The following FGL2 variants were observed in gnomAD, a reference collection of about 807,000 sequenced individuals.
FGL2 encodes fibroleukin.
In FGL2, 21 loss-of-function variants were observed where a neutral mutation model predicts 36.0. The observed-to-expected ratio is 0.58, with a 90% confidence interval of 0.41 to 0.84. FGL2 has a LOEUF of 0.84. Ranked by LOEUF, FGL2 falls within the 40% of genes least tolerant of loss-of-function variation. FGL2 has a pLI of 0.00. For missense variants in FGL2, 444 were observed against 526.3 expected, an observed-to-expected ratio of 0.84 and a Z score of 1.53; for synonymous variants, 183 against 190.7, an observed-to-expected ratio of 0.96 and a Z score of 0.33.
intron 1 of FGL2, 31 bp from the exon 2 acceptor site, chr7:77,197,016 T>C (rs1791886072): frequency 1.5e-6 from 2 of 1,353,268 alleles, no homozygotes; most frequent in Non-Finnish European, 2.1e-6. Flanking sequence ...AGGCATTGGA[T>C]CTTGTTAATA....
Position 77,199,671 on chromosome 7 carries a change from C to T in FGL2, c.123G>A (p.Val41=), listed in dbSNP as rs1366917974. Residue 41 remains valine (V), a synonymous_variant, in exon 1 of 2, where the codon GTG becomes GTA. Coordinates refer to ENST00000248598, the MANE Select transcript of FGL2 (RefSeq NM_006682.3). ...CGCATTTCCCTCTGCTTTCTAGTCT[C>T]ACTGGGCAGACATCCTTTGCTCTTT... is the stretch of plus-strand genomic sequence containing the variant. The part of the protein sequence containing the change: ...KDERAKDVCP[V]RLESRGKCEE... 6.2e-7 allele frequency: 1 copy of T among 1,614,200 alleles called. No individual in the cohort carries two copies. The highest frequency in any genetic ancestry group is 1.3e-5 in the African/African-American group (1 of 75,052).
At position 77,199,480 on chromosome 7, in the gene FGL2, T is replaced by C. The variant is rs1394142495; in HGVS notation, c.314A>G (p.Asp105Gly). ...SCQDCKLQAD[D>G]NGDPGRNGLL... ...TCCGTTTCTGCCTGGGTCTCCGTTG[T>C]CATCAGCCTGCAGCTTGCAGTCTTG... is the stretch of plus-strand genomic sequence containing the variant. The change falls in exon 1 of 2, where the codon GAC becomes GGC. Residue 105 changes from aspartate (D) to glycine (G), a missense_variant. Asp to Gly is a moderately conservative substitution (Grantham distance 94). Transcript: ENST00000248598. 2 of 1,614,170 alleles carry C rather than the reference T, an allele frequency of 1.2e-6. No individual in the cohort carries two copies. The highest frequency in any genetic ancestry group is 4.5e-5 in the East Asian group (2 of 44,886).
intron 1 of FGL2, 35 bp downstream of exon 1, chr7:77,199,146 A>G: frequency 6.4e-7 from 1 of 1,564,806 alleles, no homozygotes; most frequent in Non-Finnish European, 8.7e-7. Flanking sequence ...TATAACATTT[A>G]TGAACATATG....
chr7:77,196,343 C>G lies in FGL2; in HGVS notation c.1256G>C (p.Gly419Ala). Residue 419 changes from glycine to alanine, a missense_variant, in exon 2 of 2, where the codon GGT becomes GCT. Gly to Ala is a moderately conservative substitution (Grantham distance 60). Coordinates refer to ENST00000248598, the MANE Select transcript of FGL2 (RefSeq NM_006682.3). The surrounding 1 kb of genome is among the most constrained non-coding windows in gnomAD (Gnocchi z 4.2). Reference protein sequence around the residue: ...TWPGVSEAHPGGYKSSFKEAK... With the variant: ...TWPGVSEAHPAGYKSSFKEAK... ...CTCTTTGAAGGAGGACTTGTAGCCA[C>G]CAGGGTGTGCCTCACTTACACCAGG... 6.2e-7 allele frequency: 1 copy of G among 1,614,088 alleles called. No homozygotes were observed. Among genetic ancestry groups the G allele is most frequent in the Non-Finnish European group, 8.5e-7 (1 of 1,179,990 alleles).
At chr7:77,199,054 G>A in intron 1 of FGL2, 127 bp downstream of exon 1, 2 of 795,498 alleles carry the variant, frequency 2.5e-6, no homozygotes, top group Non-Finnish European at 2.0e-6. Context: ...TTTTTCCTGT[G>A]CACCTTGATA....
At position 77,196,329 on chromosome 7, in the gene FGL2, A is replaced by G. The variant is rs1477430333; in HGVS notation, c.1270T>C (p.Ser424Pro). 1 of 1,614,022 alleles carries G rather than the reference A, an allele frequency of 6.2e-7. No homozygotes were observed. Among genetic ancestry groups the G allele is most frequent in the Admixed American group, 1.7e-5 (1 of 59,994 alleles). The change falls in exon 2 of 2, where the codon TCC becomes CCC. Residue 424 changes from serine to proline, a missense_variant. Transcript: ENST00000248598. The surrounding 1 kb of genome is among the most constrained non-coding windows in gnomAD (Gnocchi z 4.2). Reference sequence around the variant, plus strand: ...ATCATCATCTTAGCCTCTTTGAAGGAGGACTTGTAGCCACCAGGGTGTGCC... The same window carrying G: ...ATCATCATCTTAGCCTCTTTGAAGGGGGACTTGTAGCCACCAGGGTGTGCC... The part of the protein sequence containing the change: ...SEAHPGGYKS[S>P]FKEAKMMIRP...
At chr7:77,198,153 C>T (rs1791911094) in intron 1 of FGL2, 2 of 985,276 alleles carry the variant, frequency 2.0e-6, no homozygotes, top group Non-Finnish European at 2.4e-6. Flanking sequence ...CGCAGTGTGC[C>T]AGGTACATTC....
chr7:77,196,259 G>T lies in FGL2; in HGVS notation c.*20C>A. On this transcript the variant is annotated 3_prime_UTR_variant, in exon 2 of 2. Coordinates refer to ENST00000248598, the MANE Select transcript of FGL2 (RefSeq NM_006682.3). This position sits in a 1 kb window ranked among gnomAD's most constrained non-coding sequence, Gnocchi z 4.2. The stretch of plus-strand genomic sequence containing the variant: ...TTGCCCTATTAGATAACGAATACCT[G>T]GAGGAATGAACAGAGTGATTTATGG... 6.4e-7 allele frequency: 1 copy of T among 1,563,378 alleles called. No individual in the cohort carries two copies. The highest frequency in any genetic ancestry group is 8.8e-7 in the Non-Finnish European group (1 of 1,142,278).
chr7:77,198,250 A>C, intron 1 of FGL2: 2 of 985,404 alleles, frequency 2.0e-6, no homozygotes, highest in Non-Finnish European at 2.4e-6. Flanking sequence ...CTGGGGATGG[A>C]GCATGCCTGA....
chr7:77,196,509 C>T lies in FGL2; in HGVS notation c.1090G>A (p.Asp364Asn). ...KFFTTPDKDN[D>N]RYPSGNCGLY... is the part of the protein sequence containing the mutation. ...CCACAGTTCCCAGAAGGATATCGAT[C>T]ATTGTCTTTATCTGGAGTGGTGAAA... Residue 364 changes from aspartate to asparagine, a missense_variant, in exon 2 of 2, where the codon GAT becomes AAT. Asp to Asn is a conservative substitution (Grantham distance 23, BLOSUM62 1). Coordinates refer to ENST00000248598, the MANE Select transcript of FGL2 (RefSeq NM_006682.3). This position sits in a 1 kb window ranked among gnomAD's most constrained non-coding sequence, Gnocchi z 4.2. 1 of 1,614,120 alleles carries T rather than the reference C, an allele frequency of 6.2e-7. No individual in the cohort carries two copies. Among genetic ancestry groups the T allele is most frequent in the Non-Finnish European group, 8.5e-7 (1 of 1,180,002 alleles).
rs1426171091 is a variant in FGL2 at position 77,199,390 on chromosome 7, C to T, written c.404G>A (p.Ser135Asn). The change falls in exon 1 of 2, where the codon AGT becomes AAT. Residue 135 changes from serine to asparagine, a missense_variant. Transcript: ENST00000248598. Reference protein sequence around the residue: ...VGDNRVRELESEVNKLSSELK... With the variant: ...VGDNRVRELENEVNKLSSELK... The stretch of plus-strand genomic sequence containing the variant: ...CTCAGAGGACAGCTTGTTAACCTCA[C>T]TCTCTAATTCTCTAACTCTGTTATC... The T allele has an allele frequency of 1.2e-6, 2 of 1,614,162 alleles. No homozygotes were observed. The highest frequency in any genetic ancestry group is 3.3e-5 in the Admixed American group (2 of 60,008).
At chr7:77,199,102 A>T in intron 1 of FGL2, 79 bp downstream of exon 1, 1 of 1,225,108 alleles carries the variant, frequency 8.2e-7, no homozygotes, top group Non-Finnish European at 1.1e-6. Context: ...TAACTTACTG[A>T]CTCAGGTTAA....
chr7:77,196,517 T>C lies in FGL2; in HGVS notation c.1082A>G (p.Lys361Arg). Reference protein sequence around the residue: ...HDLKFFTTPDKDNDRYPSGNC... With the variant: ...HDLKFFTTPDRDNDRYPSGNC... ...CCCAGAAGGATATCGATCATTGTCT[T>C]TATCTGGAGTGGTGAAAAACTTCAG... Residue 361 changes from lysine to arginine, a missense_variant, in exon 2 of 2, where the codon AAA becomes AGA. By Grantham distance (26) the Lys-to-Arg change is conservative. Coordinates refer to ENST00000248598, the MANE Select transcript of FGL2 (RefSeq NM_006682.3). The surrounding 1 kb of genome is among the most constrained non-coding windows in gnomAD (Gnocchi z 4.2). 4 of 1,614,204 alleles carry C rather than the reference T, an allele frequency of 2.5e-6. No individual in the cohort carries two copies. The highest frequency in any genetic ancestry group is 3.4e-6 in the Non-Finnish European group (4 of 1,180,024).
intron 1 of FGL2, among the ~76,000 whole-genome samples, chr7:77,197,236 T>C (rs573914115): frequency 1.3e-5 from 2 of 152,306 alleles, no homozygotes; most frequent in African/African-American, 4.8e-5. Context: ...CAAACGACAA[T>C]AAGAAAATAA....
In FGL2 at chr7:77,193,934, C is replaced by A. The variant is rs1476119238; in HGVS notation, c.*2345G>T. 1.3e-5 allele frequency: 2 copies of A among 152,396 alleles called. No individual in the cohort carries two copies. The highest frequency in any genetic ancestry group is 2.9e-5 in the Non-Finnish European group (2 of 67,938). 9.4% of individuals were successfully genotyped at this position (152,396 alleles called of 1,614,324 possible). A position where few individuals can be genotyped will look rare whatever the true frequency, so the allele number is the denominator to read the frequency against. On this transcript the variant is annotated 3_prime_UTR_variant, in exon 2 of 2. Transcript: ENST00000248598. Reference sequence around the variant, plus strand: ...AGGTTCTAGCAGATGTAATCTATTTCCATCAACATGTTAAATGTTATAAAA... The same window carrying A: ...AGGTTCTAGCAGATGTAATCTATTTACATCAACATGTTAAATGTTATAAAA...
rs924669913 is a variant in FGL2 at position 77,195,295 on chromosome 7, G to A, written c.*984C>T. ...GCAGTTTTCAACATCAAACATCTAA[G>A]GAGTTATAAACTATAAATGAATTAC... is the stretch of plus-strand genomic sequence containing the variant. On this transcript the variant is annotated 3_prime_UTR_variant, in exon 2 of 2. Coordinates refer to ENST00000248598, the MANE Select transcript of FGL2 (RefSeq NM_006682.3). 4 of 151,816 alleles carry A rather than the reference G, an allele frequency of 2.6e-5. No individual in the cohort carries two copies. The highest frequency in any genetic ancestry group is 6.6e-5 in the Admixed American group (1 of 15,212). The allele number at this position is 151,816 out of a possible 1,614,324, so 9.4% of individuals were successfully genotyped here. A position where few individuals can be genotyped will look rare whatever the true frequency, so the allele number is the denominator to read the frequency against.
Position 77,197,115 on chromosome 7 carries a change from T to G in FGL2, c.614-130A>C, listed in dbSNP as rs1791887774. On this transcript the variant is annotated intron_variant, in intron 1 of 1. Coordinates refer to ENST00000248598, the MANE Select transcript of FGL2 (RefSeq NM_006682.3). Reference sequence around the variant, plus strand: ...AGTAATGAAACTTTACTAAACTTACTTGAACCTGTTTAGCAAATGCTTAAG... The same window carrying G: ...AGTAATGAAACTTTACTAAACTTACGTGAACCTGTTTAGCAAATGCTTAAG... 10 of 632,788 alleles carry G rather than the reference T, an allele frequency of 1.6e-5. No homozygotes were observed. In the South Asian group the frequency reaches 2.0e-4, roughly 13 times the overall value. 39.2% of individuals were successfully genotyped at this position (632,788 alleles called of 1,614,324 possible).
rs1333104548 is a variant in FGL2, at chr7:77,196,833, C to A, written c.766G>T (p.Ala256Ser). The A allele has an allele frequency of 8.1e-6, 13 of 1,613,866 alleles. 1 individual carries two copies. The Middle Eastern group carries it at 4.9e-4, about 61-fold the overall frequency. ...TMGGGWTVLQ[A>S]RLDGSTNFTR... ...AAGTTGGTGCTCCCATCGAGACGTGCCTGCAGCACTGTCCAGCCTCCCCCC... is the reference window on the plus strand; with the variant it reads ...AAGTTGGTGCTCCCATCGAGACGTGACTGCAGCACTGTCCAGCCTCCCCCC... The change falls in exon 2 of 2, where the codon GCA becomes TCA. Residue 256 changes from alanine (A) to serine (S), a missense_variant. Coordinates refer to ENST00000248598, the MANE Select transcript of FGL2 (RefSeq NM_006682.3). This position sits in a 1 kb window ranked among gnomAD's most constrained non-coding sequence, Gnocchi z 4.2.
chr7:77,198,435 G>C, intron 1 of FGL2: 14 of 330,032 alleles, frequency 4.2e-5, no homozygotes, highest in Non-Finnish European at 6.1e-5. Flanking sequence ...CTGTTAGTTC[G>C]TGGGTGGAGT....
Sources: allele counts gnomAD v4.1 joint callset (sites outside exome capture counted in the v4.1 genomes callset), GRCh38; gene constraint gnomAD v4.1.1; non-coding constraint Gnocchi (gnomAD v3.1); transcripts MANE v1.5; gene names NCBI Gene and HGNC (gene_info 2026-07-23, HGNC 2026-07-21).